ZNF780B: variants seen among roughly 807,000 people sequenced by gnomAD.
ZNF780B encodes zinc finger protein 780B.
A neutral mutation model predicts 74.1 loss-of-function variants in ZNF780B; 52 were observed. The ratio of observed to expected loss-of-function variants is 0.70; its 90% CI spans 0.56 to 0.88. The LOEUF is 0.88. ZNF780B is among the 40% of genes least tolerant of loss of function. The probability of loss-of-function intolerance (pLI) is 0.00; values close to 1 mark genes in which losing one functional copy is unlikely to be tolerated. For missense variants in ZNF780B, 953 were observed against 1,007.6 expected, an observed-to-expected ratio of 0.95 and a Z score of 0.73; for synonymous variants, 315 against 324.3, an observed-to-expected ratio of 0.97 and a Z score of 0.31.
chr19:40,042,587 G>T (rs1972699419), intron 4 of ZNF780B, among the ~76,000 whole-genome samples: 1 of 152,150 alleles, frequency 6.6e-6, no homozygotes, highest in Non-Finnish European at 1.5e-5. Context: ...ATTTCTTGGA[G>T]GCTTTGTTCA....
At chr19:40,043,645 T>C (rs1391858850) in intron 4 of ZNF780B, among the ~76,000 whole-genome samples, 1 of 152,246 alleles carries the variant, frequency 6.6e-6, no homozygotes, top group Non-Finnish European at 1.5e-5. Context: ...CCTTGCAGTT[T>C]GATCTCAAGA....
At chr19:40,040,372 T>A (rs1395424887) in intron 4 of ZNF780B, among the ~76,000 whole-genome samples, 1 of 152,200 alleles carries the variant, frequency 6.6e-6, no homozygotes, top group Admixed American at 6.5e-5. Context: ...TAAAATTCTC[T>A]TTTTTCGTTG....
rs755019049 is a variant in ZNF780B, at chr19:40,035,099, C to T, written c.1760G>A (p.Cys587Tyr). 5 of 1,613,568 alleles carry T rather than the reference C, an allele frequency of 3.1e-6. No individual in the cohort carries two copies. The highest frequency in any genetic ancestry group is 3.4e-6 in the Non-Finnish European group (4 of 1,179,776). Residue 587 changes from cysteine (C) to tyrosine (Y), a missense_variant, in exon 5 of 5, where the codon TGT becomes TAT. Cys to Tyr is a radical substitution (Grantham distance 194). Transcript: ENST00000434248. Reference protein sequence around the residue: ...SIHTGKKPFECKECGKAFRLH... With the variant: ...SIHTGKKPFEYKECGKAFRLH... ...TCGAAAGGCTTTCCCACATTCCTTA[C>T]ATTCAAAGGGTTTCTTTCCGGTATG...
At chr19:40,045,706 G>A (rs1972903967) in intron 4 of ZNF780B, among the ~76,000 whole-genome samples, 2 of 152,194 alleles carry the variant, frequency 1.3e-5, no homozygotes, top group South Asian at 4.1e-4. Context: ...ACAAATATCA[G>A]ACTGGGCGCA....
Position 40,032,595 on chromosome 19 carries a change from C to T in ZNF780B, c.*1762G>A, listed in dbSNP as rs1972048677. On this transcript the variant is annotated 3_prime_UTR_variant, in exon 5 of 5. Coordinates refer to ENST00000434248, the MANE Select transcript of ZNF780B (RefSeq NM_001005851.3). ...TAGCTGGGCATGGTGGCGGGTGCCTCTAGTCCCAGCTACTCAGGAGGCTGA... is the reference window on the plus strand; with the variant it reads ...TAGCTGGGCATGGTGGCGGGTGCCTTTAGTCCCAGCTACTCAGGAGGCTGA... 5.4e-6 allele frequency: 1 copy of T among 183,632 alleles called. No individual in the cohort carries two copies. Among genetic ancestry groups the T allele is most frequent in the African/African-American group, 2.4e-5 (1 of 41,520 alleles). The allele number at this position is 183,632 out of a possible 1,614,324, so 11.4% of individuals were successfully genotyped here.
At chr19:40,047,647 A>T (rs73040548) in intron 3 of ZNF780B, among the ~76,000 whole-genome samples, 177 bp from the exon 4 acceptor site, 2,305 of 151,884 alleles carry the variant, frequency 0.015, 162 homozygotes, top group Admixed American at 0.13. Context: ...AAGCACTTTC[A>T]TTTAAACTCA....
chr19:40,050,364 C>T lies in ZNF780B; in HGVS notation c.-32G>A. ...AGAATTACAAAATTGGTCAATCTTC[C>T]TCGGGCTTCTCCCCTGGAAAACAAC... On this transcript the variant is annotated 5_prime_UTR_variant, in exon 2 of 5. Transcript: ENST00000434248. 1 of 1,588,206 alleles carries T rather than the reference C, an allele frequency of 6.3e-7. No individual in the cohort carries two copies.
Position 40,034,243 on chromosome 19 carries a change from A to T in ZNF780B, c.*114T>A, listed in dbSNP as rs1972117957. On this transcript the variant is annotated 3_prime_UTR_variant, in exon 5 of 5. Coordinates refer to ENST00000434248, the MANE Select transcript of ZNF780B (RefSeq NM_001005851.3). ...CTAAGGTTTCTACCACTGGTAAAGC[A>T]TTTCCCACATCCTTGACATTCATAA... 3 of 910,714 alleles carry T rather than the reference A, an allele frequency of 3.3e-6. No homozygotes were observed. In the African/African-American group the frequency reaches 5.0e-5, roughly 15 times the overall value. The allele number at this position is 910,714 out of a possible 1,614,324, so 56.4% of individuals were successfully genotyped here. A position where few individuals can be genotyped will look rare whatever the true frequency, so the allele number is the denominator to read the frequency against.
intron 1 of ZNF780B, among the ~76,000 whole-genome samples, chr19:40,054,960 C>T (rs1973420558): frequency 6.6e-6 from 1 of 152,198 alleles, no homozygotes; most frequent in South Asian, 2.1e-4. Context: ...AAAATCCTGA[C>T]TCTGGTTGAT....
At position 40,033,985 on chromosome 19, in the gene ZNF780B, T is replaced by C; in HGVS notation, c.*372A>G. ...GATGTGCAGTAAAGACTAAGCTAAA[T>C]CCAAAAGTTTTCCACATTCTTTACA... On this transcript the variant is annotated 3_prime_UTR_variant, in exon 5 of 5. Coordinates refer to ENST00000434248, the MANE Select transcript of ZNF780B (RefSeq NM_001005851.3). 1 of 277,168 alleles carries C rather than the reference T, an allele frequency of 3.6e-6. No individual in the cohort carries two copies. Among genetic ancestry groups the C allele is most frequent in the Non-Finnish European group, 7.0e-6 (1 of 142,332 alleles). 17.2% of individuals were successfully genotyped at this position (277,168 alleles called of 1,614,324 possible). A position where few individuals can be genotyped will look rare whatever the true frequency, so the allele number is the denominator to read the frequency against.
intron 4 of ZNF780B, among the ~76,000 whole-genome samples, chr19:40,037,057 A>G (rs974631914): frequency 1.3e-5 from 2 of 151,750 alleles, no homozygotes; most frequent in Admixed American, 1.3e-4. Context: ...TGGGATTACA[A>G]ACATCTGCCA....
Position 40,031,547 on chromosome 19 carries a change from G to C in ZNF780B, c.*2810C>G, listed in dbSNP as rs1204669606. ...TTAATGGTATCATGTTTTACAGCTT[G>C]ATTTAAAGGGTTAATATTTTTTCAA... is the stretch of plus-strand genomic sequence containing the variant. On this transcript the variant is annotated 3_prime_UTR_variant, in exon 5 of 5. Coordinates refer to ENST00000434248, the MANE Select transcript of ZNF780B (RefSeq NM_001005851.3). The C allele has an allele frequency of 6.6e-6, 1 of 152,404 alleles. No individual in the cohort carries two copies. Among genetic ancestry groups the C allele is most frequent in the Non-Finnish European group, 1.5e-5 (1 of 68,260 alleles). 9.4% of individuals were successfully genotyped at this position (152,404 alleles called of 1,614,324 possible).
chr19:40,044,117 A>ATCTG (rs1972814792), intron 4 of ZNF780B, among the ~76,000 whole-genome samples: 2 of 152,228 alleles, frequency 1.3e-5, no homozygotes, highest in Admixed American at 6.5e-5. Flanking sequence ...TGAATGAATA[A>ATCTG]AGCCACCGTA....
chr19:40,032,130 C>A lies in ZNF780B; in HGVS notation c.*2227G>T, dbSNP rs1386983266. The A allele has an allele frequency of 2.3e-6, 1 of 441,168 alleles. No individual in the cohort carries two copies. Among genetic ancestry groups the A allele is most frequent in the East Asian group, 7.0e-5 (1 of 14,320 alleles). 27.3% of individuals were successfully genotyped at this position (441,168 alleles called of 1,614,324 possible). ...AGAAATCTAAACACATAGCCAACAA[C>A]ATTTCTGGGCTACTCAAAATTCAAT... On this transcript the variant is annotated 3_prime_UTR_variant, in exon 5 of 5. Coordinates refer to ENST00000434248, the MANE Select transcript of ZNF780B (RefSeq NM_001005851.3).
At chr19:40,039,183 G>T (rs889035578) in intron 4 of ZNF780B, among the ~76,000 whole-genome samples, 18 of 151,226 alleles carry the variant, frequency 1.2e-4, no homozygotes, top group Admixed American at 9.9e-4. Context: ...TTTCCCCATT[G>T]CTTGTTTTTG....
At chr19:40,043,847 G>C (rs148409749) in intron 4 of ZNF780B, among the ~76,000 whole-genome samples, 3 of 152,234 alleles carry the variant, frequency 2.0e-5, no homozygotes, top group African/African-American at 7.2e-5. Context: ...CTGACCCCTT[G>C]CACTTCCCGA....
At chr19:40,053,474 A>G (rs1480543306) in intron 1 of ZNF780B, among the ~76,000 whole-genome samples, 1 of 152,204 alleles carries the variant, frequency 6.6e-6, no homozygotes, top group Non-Finnish European at 1.5e-5. Context: ...ATGTAAAGTG[A>G]CACAGACATT....
intron 4 of ZNF780B, chr19:40,047,154 T>G: frequency 4.4e-6 from 2 of 456,950 alleles, no homozygotes; most frequent in Non-Finnish European, 7.9e-6. Context: ...AGGAAGAAAA[T>G]AACAGAAATT....
chr19:40,044,072 G>A (rs538747670), intron 4 of ZNF780B, among the ~76,000 whole-genome samples: 1 of 152,234 alleles, frequency 6.6e-6, no homozygotes, highest in African/African-American at 2.4e-5. Context: ...CATCTTTTAA[G>A]CCTTAGGATA....
Sources: gnomAD v4.1 joint callset for allele counts (sites outside exome capture counted in the v4.1 genomes callset) on GRCh38, gnomAD v4.1.1 for gene constraint, MANE v1.5 for transcripts, NCBI Gene and HGNC (gene_info 2026-07-23, HGNC 2026-07-21) for gene names.